ERC1: variants seen among roughly 807,000 people sequenced by gnomAD.
ERC1 encodes the protein ELKS/RAB6-interacting/CAST family member 1.
Under a neutral mutation model 132.0 loss-of-function variants are expected in ERC1, and 56 were observed. That is an observed-to-expected ratio of 0.42 (90% CI 0.34 to 0.53). ERC1 has a LOEUF of 0.53. ERC1 is among the 20% of genes least tolerant of loss of function. The pLI, the probability that ERC1 is intolerant of heterozygous loss-of-function variation, is 0.03. For missense variants in ERC1, 1,202 were observed against 1,349.9 expected, an observed-to-expected ratio of 0.89 and a Z score of 1.72; for synonymous variants, 478 against 476.1, an observed-to-expected ratio of 1.00 and a Z score of -0.05.
intron 17 of ERC1, among the ~76,000 whole-genome samples, chr12:1,418,651 C>T (rs1407976525): frequency 1.5e-3 from 202 of 132,012 alleles, no homozygotes; most frequent in African/African-American, 5.5e-3. Flanking sequence ...TTCTCTCTCT[C>T]TCTCTCTCTC....
chr12:1,015,287 G>T (rs1276651778), intron 1 of ERC1, among the ~76,000 whole-genome samples: 1 of 151,730 alleles, frequency 6.6e-6, no homozygotes, highest in Non-Finnish European at 1.5e-5. Context: ...TTGAACTCCT[G>T]ACCTCAAGTG....
chr12:1,223,210 A>G (rs944715104), intron 12 of ERC1, among the ~76,000 whole-genome samples: 2 of 152,232 alleles, frequency 1.3e-5, no homozygotes, highest in Non-Finnish European at 2.9e-5. Context: ...GAACAAGTCA[A>G]CATGTCATAA....
chr12:1,228,712 A>G (rs1277700700), intron 12 of ERC1, among the ~76,000 whole-genome samples: 1 of 151,958 alleles, frequency 6.6e-6, no homozygotes, highest in African/African-American at 2.4e-5. Context: ...TTCCTTCTTT[A>G]CCTAATTTAT....
rs1018620943 is a variant in ERC1 at position 1,387,895 on chromosome 12, G to T, written c.2925+15918G>T. Among the ~76,000 whole-genome samples, 2 of 152,328 alleles carry T rather than the reference G, an allele frequency of 1.3e-5. 1 individual carries two copies. Among genetic ancestry groups the T allele is most frequent in the South Asian group, 4.1e-4 (2 of 4,828 alleles). On this transcript the variant is annotated intron_variant, in intron 16 of 18. Transcript: ENST00000360905. Reference sequence around the variant, plus strand: ...GTCCTTCATGTATGACAAGCTTGTTGCCCCTGAAGGTATTAGGGTTCCCCT... The same window carrying T: ...GTCCTTCATGTATGACAAGCTTGTTTCCCCTGAAGGTATTAGGGTTCCCCT...
chr12:1,466,380 A>G (rs1451833448), intron 18 of ERC1, among the ~76,000 whole-genome samples: 1 of 152,100 alleles, frequency 6.6e-6, no homozygotes, highest in Admixed American at 6.5e-5. Flanking sequence ...ATTTTAACTT[A>G]ATCGCCTCTT....
chr12:1,488,736 C>T (rs528302197), intron 18 of ERC1, among the ~76,000 whole-genome samples: 2 of 152,318 alleles, frequency 1.3e-5, no homozygotes, highest in African/African-American at 4.8e-5. Flanking sequence ...AACCTGCTGT[C>T]TCCTTCGTTC....
chr12:1,434,655 C>T (rs529158542), intron 17 of ERC1, among the ~76,000 whole-genome samples: 4 of 152,250 alleles, frequency 2.6e-5, no homozygotes, highest in African/African-American at 2.4e-5. Context: ...ATCCTGTGTT[C>T]GGAGCAGAGG....
At chr12:1,240,745 T>C (rs1327451743) in intron 13 of ERC1, among the ~76,000 whole-genome samples, 1 of 152,146 alleles carries the variant, frequency 6.6e-6, no homozygotes, top group African/African-American at 2.4e-5. Context: ...TTAATTAACA[T>C]ACTAGAAAAA....
At chr12:1,007,550 G>C (rs201909557) in intron 1 of ERC1, among the ~76,000 whole-genome samples, 7,438 of 56,910 alleles carry the variant, frequency 0.13, 315 homozygotes, top group East Asian at 0.46. Flanking sequence ...CTGTGTGTGT[G>C]TGTGTGTGTG....
chr12:1,235,443 G>A (rs529636653), intron 12 of ERC1, among the ~76,000 whole-genome samples: 5 of 152,126 alleles, frequency 3.3e-5, no homozygotes, highest in African/African-American at 4.8e-5. Flanking sequence ...AACATATAAC[G>A]GATAAAGTAT....
chr12:1,049,015 C>G (rs1173618553), intron 2 of ERC1, among the ~76,000 whole-genome samples: 1 of 152,176 alleles, frequency 6.6e-6, no homozygotes, highest in African/African-American at 2.4e-5. Context: ...CTTAGGCCTT[C>G]TTGAAAATTA....
chr12:1,397,530 T>G (rs994026029), intron 16 of ERC1, among the ~76,000 whole-genome samples: 1 of 152,210 alleles, frequency 6.6e-6, no homozygotes, highest in Non-Finnish European at 1.5e-5. Flanking sequence ...CAGAACATAC[T>G]GTTAAATGAA....
chr12:1,422,706 A>G (rs2092472788), intron 17 of ERC1, among the ~76,000 whole-genome samples: 1 of 152,206 alleles, frequency 6.6e-6, no homozygotes, highest in African/African-American at 2.4e-5. Context: ...TCCTTTGGAT[A>G]TATACCTAGT....
At chr12:1,216,061 C>A (rs1399171195) in intron 12 of ERC1, among the ~76,000 whole-genome samples, 1 of 152,014 alleles carries the variant, frequency 6.6e-6, no homozygotes, top group African/African-American at 2.4e-5. Flanking sequence ...AATAAATTGT[C>A]CCCAAATTTT....
intron 3 of ERC1, 113 bp from the exon 4 acceptor site, chr12:1,104,637 C>T (rs987582092): frequency 1.2e-5 from 9 of 732,418 alleles, no homozygotes; most frequent in Non-Finnish European, 2.2e-5. Context: ...CAGAAGGGGT[C>T]ATTGTCTCAT....
intron 1 of ERC1, among the ~76,000 whole-genome samples, chr12:1,009,972 A>C (rs563873234): frequency 1.3e-5 from 2 of 152,154 alleles, no homozygotes; most frequent in South Asian, 2.1e-4. Context: ...TCCTTTTTTC[A>C]GTTATTTCAG....
At chr12:1,426,178 A>G (rs1242757034) in intron 17 of ERC1, among the ~76,000 whole-genome samples, 1 of 147,062 alleles carries the variant, frequency 6.8e-6, no homozygotes. Context: ...ATCTCTGCTC[A>G]CTGCAACCTC....
intron 15 of ERC1, among the ~76,000 whole-genome samples, chr12:1,368,032 G>A (rs1254102761): frequency 2.7e-5 from 4 of 147,008 alleles, no homozygotes; most frequent in African/African-American, 1.0e-4. Flanking sequence ...AAGCATTGCA[G>A]TTCTTATTTT....
chr12:1,281,907 C>T (rs892978493), intron 14 of ERC1, among the ~76,000 whole-genome samples: 16 of 152,100 alleles, frequency 1.1e-4, no homozygotes, highest in African/African-American at 3.4e-4. Flanking sequence ...AGGGTCATAG[C>T]AGCAGGGGGA....
Sources: allele counts gnomAD v4.1 joint callset (sites outside exome capture counted in the v4.1 genomes callset), GRCh38; gene constraint gnomAD v4.1.1; transcripts MANE v1.5; gene names NCBI Gene and HGNC (gene_info 2026-07-23, HGNC 2026-07-21).